FBXO15: variants seen among roughly 807,000 people sequenced by gnomAD.
FBXO15 encodes F-box protein 15.
Under a neutral mutation model 49.5 loss-of-function variants are expected in FBXO15, and 30 were observed. The ratio of observed to expected loss-of-function variants is 0.61; its 90% confidence interval spans 0.45 to 0.82. The LOEUF is 0.82. FBXO15 is among the 40% of genes least tolerant of loss of function. The pLI is 0.00. For synonymous variants in FBXO15, 250 were observed against 232.7 expected (o/e 1.07, Z -0.68); for missense variants, 591 against 631.5 (o/e 0.94, Z 0.69).
In FBXO15 at chr18:74,135,102, A is replaced by G. The variant is rs367984422; in HGVS notation, c.332+660T>C. 3.7e-4 allele frequency among the ~76,000 whole-genome samples: 56 copies of G among 152,260 alleles called. 1 individual carries two copies. In the East Asian group the frequency reaches 4.6e-3, roughly 13 times the overall value. ...CCTCCAAGATACAATTCTGAGATGC[A>G]GGCTAAGATTATAGTGACAAACAGA... On this transcript the variant is annotated intron_variant, in intron 3 of 9. Transcript: ENST00000419743.
chr18:74,127,988 G>A (rs79838315), intron 5 of FBXO15, among the ~76,000 whole-genome samples: 6,884 of 152,198 alleles, frequency 0.045, 202 homozygotes, highest in East Asian at 0.12. Context: ...TTCTCCAAAC[G>A]TAATTTTGAA....
In FBXO15 at chr18:74,134,154, A is replaced by G. The variant is rs1180826604; in HGVS notation, c.332+1608T>C. On this transcript the variant is annotated intron_variant, in intron 3 of 9. Coordinates refer to ENST00000419743, the MANE Select transcript of FBXO15 (RefSeq NM_001142958.2). ...TAGACATACATATATTCTTCCATAT[A>G]GGAAACATCTCTTTAAATTAAAAGA... Among the ~76,000 whole-genome samples the G allele has an allele frequency of 2.6e-5, 4 of 152,190 alleles. No homozygotes were observed. The East Asian group carries it at 7.7e-4, about 29-fold the overall frequency.
chr18:74,116,012 C>A (rs946616148), intron 8 of FBXO15, among the ~76,000 whole-genome samples: 1 of 152,156 alleles, frequency 6.6e-6, no homozygotes, highest in Non-Finnish European at 1.5e-5. Flanking sequence ...ATGGTGATCA[C>A]ACAGGTGTTT....
intron 5 of FBXO15, among the ~76,000 whole-genome samples, chr18:74,126,844 A>T (rs1978290098): frequency 6.6e-6 from 1 of 152,354 alleles, no homozygotes; most frequent in Non-Finnish European, 1.5e-5. Context: ...TCAAAACCAG[A>T]TCCGCAGCTG....
At chr18:74,084,500 C>T (rs191791557) in intron 8 of FBXO15, among the ~76,000 whole-genome samples, 20 of 152,344 alleles carry the variant, frequency 1.3e-4, no homozygotes, top group African/African-American at 4.8e-4. Context: ...GATAGTTTCA[C>T]AAGAGAAGCC....
chr18:74,134,463 G>C (rs902070000), intron 3 of FBXO15, among the ~76,000 whole-genome samples: 1 of 149,744 alleles, frequency 6.7e-6, no homozygotes, highest in Non-Finnish European at 1.5e-5. Flanking sequence ...CCGCCTCCCA[G>C]GTTCATGCCA....
At chr18:74,092,727 C>T (rs1445083357) in intron 8 of FBXO15, among the ~76,000 whole-genome samples, 4 of 152,140 alleles carry the variant, frequency 2.6e-5, no homozygotes, top group Non-Finnish European at 4.4e-5. Flanking sequence ...TTCTTTGACC[C>T]CCCTCAGGAT....
intron 8 of FBXO15, chr18:74,097,240 C>T (rs1913319016): frequency 6.6e-6 from 1 of 152,198 alleles, no homozygotes; most frequent in Non-Finnish European, 1.5e-5. Flanking sequence ...CTGGCCAGAA[C>T]TTGGGGGAGG....
intron 8 of FBXO15, among the ~76,000 whole-genome samples, chr18:74,100,243 G>A (rs937468068): frequency 2.0e-5 from 3 of 152,048 alleles, no homozygotes; most frequent in African/African-American, 7.2e-5. Context: ...GAATAAAAAC[G>A]GAAATCAACT....
rs943364215 is a variant in FBXO15, at chr18:74,092,018, G to A, written c.1139-9967C>T. On this transcript the variant is annotated intron_variant, in intron 8 of 9. Coordinates refer to ENST00000419743, the MANE Select transcript of FBXO15 (RefSeq NM_001142958.2). ...TCTCTCCATGTCTTTCAGGGAGGCC[G>A]ATGCATCGTAGATTTGGTCTCTTTA... 1.8e-4 allele frequency among the ~76,000 whole-genome samples: 27 copies of A among 152,154 alleles called. 1 individual carries two copies. Among genetic ancestry groups the A allele is most frequent in the Admixed American group, 4.6e-4 (7 of 15,282 alleles).
chr18:74,075,005 C>T lies in FBXO15; in HGVS notation c.1264-1275G>A, dbSNP rs1912201337. On this transcript the variant is annotated intron_variant, in intron 9 of 9. Coordinates refer to ENST00000419743, the MANE Select transcript of FBXO15 (RefSeq NM_001142958.2). The surrounding 1 kb of genome is among the most constrained non-coding windows in gnomAD (Gnocchi z 4.1). ...GGGCCAGGTCCAGCAAAACCCCAGCCCCAGAGGAGCGCAGTTATTTTCTAT... is the reference window on the plus strand; with the variant it reads ...GGGCCAGGTCCAGCAAAACCCCAGCTCCAGAGGAGCGCAGTTATTTTCTAT... 6.6e-6 allele frequency among the ~76,000 whole-genome samples: 1 copy of T among 152,190 alleles called. No individual in the cohort carries two copies. Among genetic ancestry groups the T allele is most frequent in the Non-Finnish European group, 1.5e-5 (1 of 68,036 alleles).
chr18:74,076,182 G>A (rs72970726), intron 9 of FBXO15: 28,400 of 152,226 alleles, frequency 0.19, 3,459 homozygotes, highest in Middle Eastern at 0.29. Context: ...ACCCAATCCC[G>A]TTAGTTCTTA....
intron 8 of FBXO15, chr18:74,097,035 G>A (rs1346047125): frequency 6.6e-6 from 1 of 152,308 alleles, no homozygotes; most frequent in African/African-American, 2.4e-5. Context: ...TCAGTTTAGA[G>A]AGCCGAGTGA....
intron 8 of FBXO15, among the ~76,000 whole-genome samples, chr18:74,118,501 GAA>G (rs1250453986): frequency 6.9e-6 from 1 of 144,330 alleles, no homozygotes; most frequent in Non-Finnish European, 1.5e-5. Context: ...GAGAGAGAGA[GAA>G]AGAGAAAGAA....
intron 8 of FBXO15, among the ~76,000 whole-genome samples, chr18:74,112,714 T>C (rs534876119): frequency 1.4e-4 from 22 of 152,190 alleles, no homozygotes; most frequent in African/African-American, 5.3e-4. Flanking sequence ...AAGGAAGAAA[T>C]AAAACTCTTT....
intron 8 of FBXO15, among the ~76,000 whole-genome samples, chr18:74,085,506 T>C (rs1912699106): frequency 6.6e-6 from 1 of 152,088 alleles, no homozygotes; most frequent in Admixed American, 6.5e-5. Context: ...GGTGGGAGAA[T>C]CGCTTGAACC....
At chr18:74,089,886 T>C (rs1043331443) in intron 8 of FBXO15, among the ~76,000 whole-genome samples, 1 of 152,132 alleles carries the variant, frequency 6.6e-6, no homozygotes, top group African/African-American at 2.4e-5. Context: ...TTCTTTTTAA[T>C]TGTGTCTCTG....
At position 74,074,316 on chromosome 18, in the gene FBXO15, C is replaced by G. The variant is rs1433334600; in HGVS notation, c.1264-586G>C. On this transcript the variant is annotated intron_variant, in intron 9 of 9. Coordinates refer to ENST00000419743, the MANE Select transcript of FBXO15 (RefSeq NM_001142958.2). The surrounding 1 kb of genome is among the most constrained non-coding windows in gnomAD (Gnocchi z 4.7). ...CCAGCCCTGCTGTCTGCCTCTCCCT[C>G]TCACTCTCTCCCAAGTCTTCCAAGT... is the stretch of plus-strand genomic sequence containing the variant. Among the ~76,000 whole-genome samples the G allele has an allele frequency of 6.6e-6, 1 of 152,188 alleles. No individual in the cohort carries two copies. The highest frequency in any genetic ancestry group is 1.5e-5 in the Non-Finnish European group (1 of 68,032).
At chr18:74,106,213 C>A (rs1913756302) in intron 8 of FBXO15, among the ~76,000 whole-genome samples, 1 of 151,954 alleles carries the variant, frequency 6.6e-6, no homozygotes, top group African/African-American at 2.4e-5. Flanking sequence ...AATACTCAAT[C>A]TAAAGAAAAT....
Sources: allele counts gnomAD v4.1 joint callset (sites outside exome capture counted in the v4.1 genomes callset), GRCh38; gene constraint gnomAD v4.1.1; non-coding constraint Gnocchi (gnomAD v3.1); transcripts MANE v1.5; gene names NCBI Gene and HGNC (gene_info 2026-07-23, HGNC 2026-07-21).